The following SLC9A1 variants were observed in gnomAD, a reference collection of about 807,000 sequenced individuals.
SLC9A1 encodes solute carrier family 9 member A1, also known as sodium/hydrogen exchanger 1.
In SLC9A1, 22 loss-of-function variants were observed where a neutral mutation model predicts 67.9. The ratio of observed to expected loss-of-function variants is 0.32; its 90% confidence interval spans 0.23 to 0.46. SLC9A1 has a LOEUF of 0.46. Ranked by LOEUF, SLC9A1 falls within the 20% of genes least tolerant of loss-of-function variation. The probability of loss-of-function intolerance (pLI) is 1.00; values close to 1 mark genes in which losing one functional copy is unlikely to be tolerated. For missense variants in SLC9A1, 686 were observed against 1,094.8 expected (o/e 0.63, Z 5.27); for synonymous variants, 421 against 471.8 (o/e 0.89, Z 1.40).
Position 27,118,632 on chromosome 1 carries a change from T to C in SLC9A1, c.353-4346A>G, listed in dbSNP as rs2083287125. ...GATGCCAAGAGATGAGGCAAAACTT[T>C]CAGGGCCCAAACATGCAGCAGCAGT... is the stretch of plus-strand genomic sequence containing the variant. On this transcript the variant is annotated intron_variant, in intron 1 of 11. Coordinates refer to ENST00000263980, the MANE Select transcript of SLC9A1 (RefSeq NM_003047.5). The surrounding 1 kb of genome is among the most constrained non-coding windows in gnomAD (Gnocchi z 4.3). Among the ~76,000 whole-genome samples, 1 of 152,088 alleles carries C rather than the reference T, an allele frequency of 6.6e-6. No homozygotes were observed.
intron 1 of SLC9A1, among the ~76,000 whole-genome samples, chr1:27,144,091 T>C (rs369544298): frequency 3.3e-5 from 5 of 152,340 alleles, no homozygotes; most frequent in East Asian, 3.9e-4. Flanking sequence ...AAGGAGATTC[T>C]GGCCCAGCCC....
intron 1 of SLC9A1, among the ~76,000 whole-genome samples, chr1:27,143,046 T>TA (rs55970751): frequency 0.31 from 30,220 of 98,304 alleles, 4,259 homozygotes; most frequent in Non-Finnish European, 0.38. Flanking sequence ...ATCAACTGTG[T>TA]AAAAAAAAAA....
chr1:27,152,677 G>A (rs189802664), intron 1 of SLC9A1, among the ~76,000 whole-genome samples: 2 of 152,284 alleles, frequency 1.3e-5, no homozygotes, highest in South Asian at 4.1e-4. Context: ...TGATGGCTTA[G>A]TTCCATGTAA....
In SLC9A1 at chr1:27,101,524, C is replaced by A. The variant is rs972434130; in HGVS notation, c.2037+201G>T. Among the ~76,000 whole-genome samples, 4 of 152,214 alleles carry A rather than the reference C, an allele frequency of 2.6e-5. No individual in the cohort carries two copies. ...AATCCACCCATTCCTCTGTCCCCTG[C>A]CACTGCCCTAACCCAGGCCATGCCC... On this transcript the variant is annotated intron_variant, in intron 10 of 11. Transcript: ENST00000263980. This position sits in a 1 kb window ranked among gnomAD's most constrained non-coding sequence, Gnocchi z 4.9.
chr1:27,123,248 G>GT lies in SLC9A1; in HGVS notation c.353-8963dup, dbSNP rs201168823. Reference sequence around the variant, plus strand: ...TAAGTATAAGGAAAATCATCTCACAGTGATTCTCCCCCTTCCCTTTTACCA... The same window carrying GT: ...TAAGTATAAGGAAAATCATCTCACAGTTGATTCTCCCCCTTCCCTTTTACCA... On this transcript the variant is annotated intron_variant, in intron 1 of 11. Coordinates refer to ENST00000263980, the MANE Select transcript of SLC9A1 (RefSeq NM_003047.5). Among the ~76,000 whole-genome samples the GT allele has an allele frequency of 6.1e-3, 923 of 152,244 alleles. 9 individuals carry two copies. The highest frequency in any genetic ancestry group is 0.021 in the African/African-American group (872 of 41,550).
Position 27,120,721 on chromosome 1 carries a change from G to C in SLC9A1, c.353-6435C>G, listed in dbSNP as rs769918486. ...CCATGGCACTCCAGCCTGGGCAATA[G>C]AGCAAAATTCCATTTCAAAAAAAAA... On this transcript the variant is annotated intron_variant, in intron 1 of 11. Transcript: ENST00000263980. 3.9e-5 allele frequency among the ~76,000 whole-genome samples: 6 copies of C among 151,940 alleles called. No homozygotes were observed. The South Asian group carries it at 1.0e-3, about 26-fold the overall frequency.
At position 27,118,681 on chromosome 1, in the gene SLC9A1, G is replaced by A. The variant is rs140029815; in HGVS notation, c.353-4395C>T. Among the ~76,000 whole-genome samples, 285 of 152,318 alleles carry A rather than the reference G, an allele frequency of 1.9e-3. 5 individuals carry two copies. Among genetic ancestry groups the A allele is most frequent in the Non-Finnish European group, 3.8e-4 (26 of 68,018 alleles). On this transcript the variant is annotated intron_variant, in intron 1 of 11. Transcript: ENST00000263980. This position sits in a 1 kb window ranked among gnomAD's most constrained non-coding sequence, Gnocchi z 4.3. Reference sequence around the variant, plus strand: ...GTGATGTCACCAGGGTGAAATCAGGGATGGGAAGAGGCAGTTAGAGTAAGA... The same window carrying A: ...GTGATGTCACCAGGGTGAAATCAGGAATGGGAAGAGGCAGTTAGAGTAAGA...
At chr1:27,138,665 G>A (rs72653231) in intron 1 of SLC9A1, among the ~76,000 whole-genome samples, 12,926 of 152,122 alleles carry the variant, frequency 0.085, 723 homozygotes, top group South Asian at 0.18. Flanking sequence ...GCTGGGGATC[G>A]AGCAAATGCC....
chr1:27,131,947 A>AAAAAAAAAAAAATAT lies in SLC9A1; in HGVS notation c.353-17662_353-17661insATATTTTTTTTTTTT. 1.3e-4 allele frequency among the ~76,000 whole-genome samples: 7 copies of AAAAAAAAAAAAATAT among 52,120 alleles called. No homozygotes were observed. In the East Asian group the frequency reaches 5.6e-3, roughly 42 times the overall value. 34.2% of individuals were successfully genotyped at this position (52,120 alleles called of 152,430 possible). On this transcript the variant is annotated intron_variant, in intron 1 of 11. Coordinates refer to ENST00000263980, the MANE Select transcript of SLC9A1 (RefSeq NM_003047.5). ...AAAAGAAGAAGAAGAAGAAAAAAAA[A>AAAAAAAAAAAAATAT]ATATATATATATATATATATATATA... is the stretch of plus-strand genomic sequence containing the variant.
chr1:27,147,768 G>A (rs1381450119), intron 1 of SLC9A1, among the ~76,000 whole-genome samples: 3 of 152,206 alleles, frequency 2.0e-5, no homozygotes, highest in Non-Finnish European at 4.4e-5. Flanking sequence ...GCCAAGGTGG[G>A]AGGATCAGCT....
intron 1 of SLC9A1, among the ~76,000 whole-genome samples, chr1:27,143,058 A>T (rs1436242232): frequency 6.6e-6 from 1 of 151,818 alleles, no homozygotes; most frequent in Non-Finnish European, 1.5e-5. Flanking sequence ...AAAAAAAAAA[A>T]AAAAAAAAAA....
chr1:27,101,670 C>T lies in SLC9A1; in HGVS notation c.2037+55G>A, dbSNP rs1369035253. On this transcript the variant is annotated intron_variant, in intron 10 of 11. Coordinates refer to ENST00000263980, the MANE Select transcript of SLC9A1 (RefSeq NM_003047.5). The surrounding 1 kb of genome is among the most constrained non-coding windows in gnomAD (Gnocchi z 4.9). ...GGGTACATTTCCTTAGAGGCTGTGG[C>T]GGAGCTTGGGCGAGTGGGGTGGGAT... 1.2e-5 allele frequency: 15 copies of T among 1,279,136 alleles called. No individual in the cohort carries two copies. The highest frequency in any genetic ancestry group is 5.6e-5 in the Admixed American group (3 of 53,136). The allele number at this position is 1,279,136 out of a possible 1,614,324, so 79.2% of individuals were successfully genotyped here.
chr1:27,142,557 T>G (rs1435352219), intron 1 of SLC9A1, among the ~76,000 whole-genome samples: 1 of 152,162 alleles, frequency 6.6e-6, no homozygotes, highest in Non-Finnish European at 1.5e-5. Context: ...TTCTCTTGCG[T>G]CTGCTGCCTC....
chr1:27,144,161 A>G (rs2083467968), intron 1 of SLC9A1, among the ~76,000 whole-genome samples: 1 of 152,254 alleles, frequency 6.6e-6, no homozygotes, highest in Non-Finnish European at 1.5e-5. Flanking sequence ...TCCAGGTACA[A>G]CTATAAATTA....
intron 1 of SLC9A1, among the ~76,000 whole-genome samples, chr1:27,139,797 G>A (rs72653233): frequency 7.5e-6 from 1 of 133,870 alleles, no homozygotes; most frequent in Admixed American, 7.5e-5. Context: ...CACACTCATT[G>A]TTTTTTTTTT....
At chr1:27,135,320 T>G (rs2083412826) in intron 1 of SLC9A1, among the ~76,000 whole-genome samples, 1 of 152,144 alleles carries the variant, frequency 6.6e-6, no homozygotes. Flanking sequence ...CCCAAAGTGC[T>G]GGGATTACAG....
chr1:27,153,083 CTG>C (rs1046770917), intron 1 of SLC9A1, among the ~76,000 whole-genome samples: 6 of 152,166 alleles, frequency 3.9e-5, no homozygotes, highest in Admixed American at 2.6e-4. Context: ...GACCAATACT[CTG>C]AGAGCAAATA....
intron 2 of SLC9A1, among the ~76,000 whole-genome samples, chr1:27,112,278 C>T (rs969623104): frequency 1.3e-5 from 2 of 152,202 alleles, no homozygotes; most frequent in African/African-American, 4.8e-5. Flanking sequence ...GAAGCTGAGG[C>T]TGCCAGCAGC....
Position 27,125,237 on chromosome 1 carries a change from C to CTTTTTT in SLC9A1, c.353-10957_353-10952dup, listed in dbSNP as rs71010327. Reference sequence around the variant, plus strand: ...CTCTTTTCCTTCCTTCCTTTTCTTTCTTTTTTTTTTTTTTTTTTTTTTTTT... The same window carrying CTTTTTT: ...CTCTTTTCCTTCCTTCCTTTTCTTTCTTTTTTTTTTTTTTTTTTTTTTTTTTTTTTT... On this transcript the variant is annotated intron_variant, in intron 1 of 11. Transcript: ENST00000263980. 2.0e-3 allele frequency among the ~76,000 whole-genome samples: 176 copies of CTTTTTT among 86,878 alleles called. 4 individuals are homozygous for CTTTTTT. Among genetic ancestry groups the CTTTTTT allele is most frequent in the East Asian group, 6.4e-3 (16 of 2,506 alleles). The allele number at this position is 86,878 out of a possible 152,430, so 57.0% of individuals were successfully genotyped here.
Sources: gnomAD v4.1 joint callset for allele counts (sites outside exome capture counted in the v4.1 genomes callset) on GRCh38, gnomAD v4.1.1 for gene constraint, Gnocchi (gnomAD v3.1) non-coding constraint, MANE v1.5 for transcripts, NCBI Gene and HGNC (gene_info 2026-07-23, HGNC 2026-07-21) for gene names.